Variants in NOL7 observed in about 807,000 individuals in gnomAD.
The protein encoded by NOL7 is U3 small nucleolar RNA-associated protein NOL7.
Under a neutral mutation model 38.4 loss-of-function variants are expected in NOL7, and 36 were observed. That is an observed-to-expected ratio of 0.94 (90% CI 0.72 to 1.24). The LOEUF is 1.24. NOL7 is among the 50% of genes most tolerant of loss of function. The probability of loss-of-function intolerance (pLI) is 0.00; values close to 1 mark genes in which losing one functional copy is unlikely to be tolerated. For synonymous variants in NOL7, 142 were observed against 126.5 expected (o/e 1.12, Z -0.82); for missense variants, 350 against 315.1 (o/e 1.11, Z -0.84).
intron 8 of NOL7, among the ~76,000 whole-genome samples, chr6:13,628,446 C>A (rs1399977790): frequency 1.3e-5 from 2 of 152,056 alleles, no homozygotes; most frequent in Non-Finnish European, 2.9e-5. Context: ...GGGTTAGGAG[C>A]TAAAATACCC....
At chr6:13,627,567 C>T (rs150131794) in intron 8 of NOL7, among the ~76,000 whole-genome samples, 3,013 of 144,552 alleles carry the variant, frequency 0.021, 77 homozygotes, top group African/African-American at 0.071. Flanking sequence ...TAGGCGGAGG[C>T]TGCAGTGAGC....
rs1053976158 is a variant in NOL7 at position 13,620,110 on chromosome 6, C to T, written c.501-98C>T. 8.8e-6 allele frequency: 12 copies of T among 1,361,518 alleles called. No individual in the cohort carries two copies. The African/African-American group carries it at 1.2e-4, about 13-fold the overall frequency. 84.3% of individuals were successfully genotyped at this position (1,361,518 alleles called of 1,614,324 possible). A position where few individuals can be genotyped will look rare whatever the true frequency, so the allele number is the denominator to read the frequency against. ...CAGAAGTTGCAGTGAGCTGAGATCG[C>T]GCAGCCTGGGTGACAGAGCGAGACT... On this transcript the variant is annotated intron_variant, in intron 5 of 7. Transcript: ENST00000451315.
At chr6:13,615,816 CAG>C in intron 2 of NOL7, 44 bp downstream of exon 2, 1 of 1,566,840 alleles carries the variant, frequency 6.4e-7, no homozygotes, top group Non-Finnish European at 8.7e-7. Context: ...CAACTCGGCT[CAG>C]GGAGAATTCC....
rs1764428742 is a variant in NOL7 at position 13,620,977 on chromosome 6, C to T, written c.*150C>T. On this transcript the variant is annotated 3_prime_UTR_variant, in exon 8 of 8. Coordinates refer to ENST00000451315, the MANE Select transcript of NOL7 (RefSeq NM_016167.5). ...TTCATTCTTCTGGAGTAGAACTGTG[C>T]CTTGCAATCCTAGAGGAAAAAGTGG... 1 of 500,326 alleles carries T rather than the reference C, an allele frequency of 2.0e-6. No homozygotes were observed. The highest frequency in any genetic ancestry group is 3.6e-6 in the Non-Finnish European group (1 of 281,172). The allele number at this position is 500,326 out of a possible 1,614,324, so 31.0% of individuals were successfully genotyped here.
At chr6:13,625,675 T>A, downstream of NOL7, 1 of 1,611,168 alleles carries the variant, frequency 6.2e-7, no homozygotes, top group Non-Finnish European at 8.5e-7. Flanking sequence ...TGTTAAGAGC[T>A]GAGCACACAG....
chr6:13,628,865 TA>T (rs1562295833), intron 8 of NOL7, among the ~76,000 whole-genome samples: 1 of 152,254 alleles, frequency 6.6e-6, no homozygotes, highest in East Asian at 1.9e-4. Flanking sequence ...ATTCCTTCAT[TA>T]CTGCTGGTAA....
At chr6:13,622,315 T>C (rs1409011248), downstream of NOL7, 3 of 1,430,836 alleles carry the variant, frequency 2.1e-6, no homozygotes, top group African/African-American at 2.9e-5. Flanking sequence ...TCTACTTCCA[T>C]GTTGACTATA....
At position 13,615,392 on chromosome 6, in the gene NOL7, C is replaced by T. The variant is rs1289361298; in HGVS notation, c.34C>T (p.Pro12Ser). ...GCTCCGACCGCGAGCGTCTCGCGCC[C>T]CGGCGTCGGCGGAGGCGATGGTGGA... ...VQLRPRASRA[P>S]ASAEAMVDEG... The change falls in exon 1 of 8, where the codon CCG (proline) becomes TCG (serine). Residue 12 changes from proline (P) to serine (S), a missense_variant. Pro to Ser is a moderately conservative substitution (Grantham distance 74). Transcript: ENST00000451315. 2.6e-6 allele frequency: 4 copies of T among 1,528,056 alleles called. No homozygotes were observed. In the South Asian group the frequency reaches 5.0e-5, roughly 19 times the overall value. The allele number at this position is 1,528,056 out of a possible 1,614,324, so 94.7% of individuals were successfully genotyped here. A position where few individuals can be genotyped will look rare whatever the true frequency, so the allele number is the denominator to read the frequency against.
Position 13,620,278 on chromosome 6 carries a change from C to T in NOL7, c.571C>T (p.Gln191Ter). The change falls in exon 6 of 8, where the codon CAA becomes TAA. Residue 191 changes from glutamine (Q) to a stop codon, truncating the protein, a stop_gained. Transcript: ENST00000451315. LOFTEE classifies it high-confidence loss of function. Reference protein sequence around the residue: ...DLRDSRQQAAQAFIHNSLYGP... With the variant: ...DLRDSRQQAA ...GAGAGATTCAAGGCAACAAGCAGCA[C>T]AAGCCTTCATACATAATTCATTATA... The T allele has an allele frequency of 6.2e-7, 1 of 1,614,170 alleles. No individual in the cohort carries two copies. Among genetic ancestry groups the T allele is most frequent in the East Asian group, 2.2e-5 (1 of 44,882 alleles).
intron 5 of NOL7, among the ~76,000 whole-genome samples, chr6:13,619,306 T>G (rs1764374243): frequency 6.6e-6 from 1 of 152,242 alleles, no homozygotes; most frequent in Admixed American, 6.5e-5. Flanking sequence ...TCTACAGAAG[T>G]CACAGAGAAA....
At chr6:13,624,848 T>C (rs1764556180), downstream of NOL7, among the ~76,000 whole-genome samples, 1 of 152,202 alleles carries the variant, frequency 6.6e-6, no homozygotes, top group Admixed American at 6.5e-5. Context: ...GCAAATAGAA[T>C]GTGACATCAA....
Position 13,615,505 on chromosome 6 carries a change from G to A in NOL7, c.147G>A (p.Leu49=), listed in dbSNP as rs267600837. ...QPSSGAAAEP[L]EEDEEGDDEF... ...GCAGCGGCGCGGCCGCCGAGCCCCT[G>A]GAGGAAGACGAGGAAGGGGACGATG... The change falls in exon 1 of 8, where the codon CTG becomes CTA. Residue 49 remains leucine (L), a synonymous_variant. Coordinates refer to ENST00000451315, the MANE Select transcript of NOL7 (RefSeq NM_016167.5). 6.4e-7 allele frequency: 1 copy of A among 1,554,504 alleles called. No homozygotes were observed. The highest frequency in any genetic ancestry group is 2.4e-5 in the East Asian group (1 of 41,246).
Position 13,632,364 on chromosome 6 carries a change from A to G in NOL7, n.574-29A>G, listed in dbSNP as rs200462522. 424 of 1,606,618 alleles carry G rather than the reference A, an allele frequency of 2.6e-4. 2 individuals are homozygous for G. The highest frequency in any genetic ancestry group is 3.4e-4 in the Non-Finnish European group (406 of 1,177,306). On this transcript the variant is annotated intron_variant and non_coding_transcript_variant, in intron 8 of 8. Transcript: ENST00000474485. ...TTCATAATTTTTCAAGAAAAAATATATTCACCTTCAACATTTTTTTGTTTG... is the reference window on the plus strand; with the variant it reads ...TTCATAATTTTTCAAGAAAAAATATGTTCACCTTCAACATTTTTTTGTTTG...
At chr6:13,620,657 C>T (rs1480912353) in intron 7 of NOL7, 97 bp from the exon 8 acceptor site, 5 of 984,554 alleles carry the variant, frequency 5.1e-6, no homozygotes, top group Non-Finnish European at 7.5e-6. Flanking sequence ...TATAATAAGC[C>T]CACCCAGTTT....
intron 3 of NOL7, 113 bp downstream of exon 3, chr6:13,616,634 A>G (rs953207112): frequency 1.7e-5 from 11 of 660,070 alleles, no homozygotes; most frequent in African/African-American, 9.3e-5. Flanking sequence ...CCCAAATTCA[A>G]AAGCTACCTT....
chr6:13,631,702 TG>T (rs1476232341), intron 8 of NOL7, among the ~76,000 whole-genome samples: 3 of 152,184 alleles, frequency 2.0e-5, no homozygotes, highest in Non-Finnish European at 4.4e-5. Context: ...ATGAACCAAC[TG>T]TTAAAGAGCT....
At chr6:13,619,164 A>G (rs1764370516) in intron 5 of NOL7, among the ~76,000 whole-genome samples, 1 of 152,224 alleles carries the variant, frequency 6.6e-6, no homozygotes, top group Admixed American at 6.5e-5. Flanking sequence ...CATGGTGCTG[A>G]TGCAAAGACA....
rs1018546594 is a variant in NOL7, at chr6:13,615,704, C to A, written c.267-8C>A. The A allele has an allele frequency of 1.9e-6, 3 of 1,614,248 alleles. No individual in the cohort carries two copies. Among genetic ancestry groups the A allele is most frequent in the Middle Eastern group, 1.7e-4 (1 of 6,060 alleles). ...TTCCCTTTGCTGACTTATCACCCTT[C>A]CTCCCAGGGATAAAACGCTCCTGAA... On this transcript the variant is annotated splice_region_variant and splice_polypyrimidine_tract_variant and intron_variant, in intron 1 of 7. Transcript: ENST00000451315.
rs1279879961 is a variant in NOL7, at chr6:13,617,802, G to A, written c.418+1G>A. ...AAATCGCCAGGAAAGGTGAAAGAAG[G>A]TATGACTATTCTAATTTAACTAACT... On this transcript the variant is annotated splice_donor_variant, in intron 4 of 7. Transcript: ENST00000451315. LOFTEE classifies it high-confidence loss of function. 2 of 1,613,240 alleles carry A rather than the reference G, an allele frequency of 1.2e-6. No individual in the cohort carries two copies. Among genetic ancestry groups the A allele is most frequent in the South Asian group, 2.2e-5 (2 of 91,050 alleles).
Sources: allele counts gnomAD v4.1 joint callset (sites outside exome capture counted in the v4.1 genomes callset), GRCh38; gene constraint gnomAD v4.1.1; transcripts MANE v1.5; gene names NCBI Gene and HGNC (gene_info 2026-07-23, HGNC 2026-07-21).